Variants in RIN3 observed in about 807,000 individuals in gnomAD.
The protein encoded by RIN3 is RAB5 interacting protein 3.
RIN3 carries 54 observed loss-of-function variants against 76.3 expected under a neutral mutation model. The ratio of observed to expected loss-of-function variants is 0.71; its 90% CI spans 0.57 to 0.89. The LOEUF (loss-of-function observed/expected upper bound fraction) is 0.89. RIN3 is among the 40% of genes least tolerant of loss of function. The pLI, the probability that RIN3 is intolerant of heterozygous loss-of-function variation, is 0.00. For synonymous variants in RIN3, 576 were observed against 564.0 expected, an observed-to-expected ratio of 1.02 and a Z score of -0.30; for missense variants, 1,256 against 1,322.1, an observed-to-expected ratio of 0.95 and a Z score of 0.78.
chr14:92,625,028 G>A (rs1429604399), intron 4 of RIN3, among the ~76,000 whole-genome samples: 1 of 152,216 alleles, frequency 6.6e-6, no homozygotes, highest in Non-Finnish European at 1.5e-5. Flanking sequence ...AACTCAAGAG[G>A]CAGCGTTTGC....
intron 7 of RIN3, among the ~76,000 whole-genome samples, chr14:92,665,391 T>C (rs1888052428): frequency 6.9e-6 from 1 of 144,196 alleles, no homozygotes; most frequent in African/African-American, 2.7e-5. Flanking sequence ...TTTTTTTTTT[T>C]TTTTTGAGAC....
chr14:92,627,366 T>A (rs1886393384), intron 4 of RIN3, among the ~76,000 whole-genome samples: 1 of 152,244 alleles, frequency 6.6e-6, no homozygotes, highest in African/African-American at 2.4e-5. Context: ...CATGCAGGTA[T>A]AAGCCCCATG....
rs1566906190 is a variant in RIN3, at chr14:92,688,028, A to T, written c.2734A>T (p.Lys912Ter). ...GGCGCTGTGCGCGCAGTGCGCGGAG[A>T]AGTTCGCGGTGGAGCGGCCGCAGGC... is the stretch of plus-strand genomic sequence containing the variant. Reference protein sequence around the residue: ...AQALCAQCAEKFAVERPQAHR... With the variant: ...AQALCAQCAE Residue 912 changes from lysine to a stop codon, truncating the protein, a stop_gained, in exon 10 of 10, where the codon AAG becomes TAG. Transcript: ENST00000216487. LOFTEE classifies it high-confidence loss of function. 2 of 1,592,214 alleles carry T rather than the reference A, an allele frequency of 1.3e-6. No individual in the cohort carries two copies. Among genetic ancestry groups the T allele is most frequent in the Non-Finnish European group, 1.7e-6 (2 of 1,170,988 alleles).
rs567162661 is a variant in RIN3, at chr14:92,560,584, A to C, written c.249+4629A>C. 4.6e-5 allele frequency among the ~76,000 whole-genome samples: 7 copies of C among 152,246 alleles called. No homozygotes were observed. In the South Asian group the frequency reaches 1.5e-3, roughly 32 times the overall value. On this transcript the variant is annotated intron_variant, in intron 2 of 9. Coordinates refer to ENST00000216487, the MANE Select transcript of RIN3 (RefSeq NM_024832.5). ...CAGATGAGGAAACAGAGGCACAGAG[A>C]AGTCAACTCACTTGCCTGAAGTCAC...
intron 1 of RIN3, among the ~76,000 whole-genome samples, chr14:92,524,543 A>G (rs1390707631): frequency 6.6e-6 from 1 of 152,220 alleles, no homozygotes; most frequent in Non-Finnish European, 1.5e-5. Context: ...CTCCTGGGGC[A>G]TAAGAGGCCC....
chr14:92,515,113 T>C (rs1264650334), intron 1 of RIN3: 4 of 613,774 alleles, frequency 6.5e-6, no homozygotes, highest in Non-Finnish European at 1.2e-5. Flanking sequence ...GGCCTTAAGC[T>C]CATCTAGATC....
chr14:92,659,228 C>T lies in RIN3; in HGVS notation c.2094C>T (p.Cys698=), dbSNP rs1887786784. ...CCCTGAAGGAAGCCATCAACTCATGCCTGCATCAGATCCACAGCAAGGATG... is the reference window on the plus strand; with the variant it reads ...CCCTGAAGGAAGCCATCAACTCATGTCTGCATCAGATCCACAGCAAGGATG... The part of the protein sequence containing the change: ...LKPLKEAINS[C]LHQIHSKDGS... The change falls in exon 7 of 10, where the codon TGC becomes TGT. Residue 698 remains cysteine (C), a synonymous_variant. Transcript: ENST00000216487. The T allele has an allele frequency of 1.2e-6, 2 of 1,614,176 alleles. No individual in the cohort carries two copies. Among genetic ancestry groups the T allele is most frequent in the Non-Finnish European group, 1.7e-6 (2 of 1,180,010 alleles).
In RIN3 at chr14:92,652,691, G is replaced by T. The variant is rs750256108; in HGVS notation, c.1642G>T (p.Asp548Tyr). Residue 548 changes from aspartate (D) to tyrosine (Y), a missense_variant, in exon 6 of 10, where the codon GAC becomes TAC. Physicochemically the swap from Asp to Tyr is radical, Grantham distance 160. Coordinates refer to ENST00000216487, the MANE Select transcript of RIN3 (RefSeq NM_024832.5). This position sits in a 1 kb window ranked among gnomAD's most constrained non-coding sequence, Gnocchi z 6.4. ...GGTGTCTGTCATGGCCACCGACCAG[G>T]ACTCCTACTCCACCAGCAGCACGGA... Reference protein sequence around the residue: ...LGVSVMATDQDSYSTSSTEEE... With the variant: ...LGVSVMATDQYSYSTSSTEEE... 1 of 1,613,278 alleles carries T rather than the reference G, an allele frequency of 6.2e-7. No homozygotes were observed.
In RIN3 at chr14:92,622,879, T is replaced by C. The variant is rs147217067; in HGVS notation, c.440+7400T>C. On this transcript the variant is annotated intron_variant, in intron 4 of 9. Coordinates refer to ENST00000216487, the MANE Select transcript of RIN3 (RefSeq NM_024832.5). ...TGTGGTCAACAACAATTTCCTCCTC[T>C]TGAATTTATACATGTTCTGCTTTAA... Among the ~76,000 whole-genome samples the C allele has an allele frequency of 9.6e-4, 146 of 152,380 alleles. 3 individuals are homozygous for C. The East Asian group carries it at 0.023, about 24-fold the overall frequency.
intron 4 of RIN3, among the ~76,000 whole-genome samples, chr14:92,634,040 A>C (rs1886684292): frequency 6.6e-6 from 1 of 150,828 alleles, no homozygotes. Context: ...GTGTGGGGGA[A>C]ATGTCAGAAT....
chr14:92,558,180 C>G (rs570382167), intron 2 of RIN3, among the ~76,000 whole-genome samples: 2 of 152,268 alleles, frequency 1.3e-5, no homozygotes, highest in East Asian at 3.9e-4. Context: ...GAGACCCCGT[C>G]TCTACAAAAA....
At chr14:92,528,139 G>A (rs950300554) in intron 1 of RIN3, among the ~76,000 whole-genome samples, 1 of 152,212 alleles carries the variant, frequency 6.6e-6, no homozygotes, top group African/African-American at 2.4e-5. Context: ...GTGGGCTCAG[G>A]GACAGGAGGG....
intron 3 of RIN3, among the ~76,000 whole-genome samples, chr14:92,603,130 TAC>T (rs1400134750): frequency 6.6e-6 from 1 of 152,144 alleles, no homozygotes; most frequent in South Asian, 2.1e-4. Context: ...GGGATGATCT[TAC>T]ACTGAGAGCT....
intron 3 of RIN3, among the ~76,000 whole-genome samples, chr14:92,600,120 T>C (rs140430292): frequency 4.6e-5 from 7 of 152,280 alleles, no homozygotes; most frequent in African/African-American, 1.7e-4. Context: ...CCACCTGCGC[T>C]CAGAACCAGT....
chr14:92,619,098 AAC>A (rs1886076251), intron 4 of RIN3, among the ~76,000 whole-genome samples: 2 of 152,348 alleles, frequency 1.3e-5, no homozygotes, highest in South Asian at 4.1e-4. Context: ...ACAATTTTGT[AAC>A]ACATATTAGT....
chr14:92,518,004 C>T (rs1054861894), intron 1 of RIN3, among the ~76,000 whole-genome samples: 2 of 152,226 alleles, frequency 1.3e-5, no homozygotes, highest in African/African-American at 4.8e-5. Context: ...TACAGCTTCA[C>T]ATCTTCTGTC....
intron 1 of RIN3, among the ~76,000 whole-genome samples, chr14:92,547,893 G>C (rs1897325114): frequency 6.6e-6 from 1 of 151,740 alleles, no homozygotes; most frequent in Admixed American, 6.6e-5. Context: ...TAGTAGAGAT[G>C]GGGTTTCACC....
intron 4 of RIN3, among the ~76,000 whole-genome samples, chr14:92,633,333 G>T (rs988949167): frequency 6.6e-6 from 1 of 152,174 alleles, no homozygotes; most frequent in African/African-American, 2.4e-5. Context: ...CAAGAAGTGG[G>T]CACCATTACC....
intron 3 of RIN3, among the ~76,000 whole-genome samples, chr14:92,607,485 G>A (rs1885569176): frequency 6.6e-6 from 1 of 152,164 alleles, no homozygotes; most frequent in Non-Finnish European, 1.5e-5. Context: ...GTGTGGTGGT[G>A]CATGCCTGTG....
Sources: allele counts gnomAD v4.1 joint callset (sites outside exome capture counted in the v4.1 genomes callset), GRCh38; gene constraint gnomAD v4.1.1; non-coding constraint Gnocchi (gnomAD v3.1); transcripts MANE v1.5; gene names NCBI Gene and HGNC (gene_info 2026-07-23, HGNC 2026-07-21).